The following CKAP2L variants were observed in gnomAD, a reference collection of about 807,000 sequenced individuals.
CKAP2L encodes cytoskeleton-associated protein 2-like.
A neutral mutation model predicts 65.7 loss-of-function variants in CKAP2L; 42 were observed. The observed-to-expected ratio is 0.64, with a 90% CI of 0.50 to 0.83. The LOEUF (loss-of-function observed/expected upper bound fraction) is 0.83, where lower values mean the gene tolerates loss of function less well. CKAP2L is among the 40% of genes least tolerant of loss of function. CKAP2L has a pLI of 0.00. For missense variants in CKAP2L, 908 were observed against 871.0 expected, an observed-to-expected ratio of 1.04 and a Z score of -0.53; for synonymous variants, 325 against 313.5, an observed-to-expected ratio of 1.04 and a Z score of -0.39.
Position 112,756,797 on chromosome 2 carries a change from A to C in CKAP2L, c.574T>G (p.Leu192Val), listed in dbSNP as rs552985302. The change falls in exon 4 of 9, where the codon TTA becomes GTA. Residue 192 changes from leucine to valine, a missense_variant. Transcript: ENST00000302450. ...ETNKENLLDI[L>V]TEPERKPDPK... ...TCTGGCTTCCTCTCAGGTTCTGTTA[A>C]GATATCGAGCAAGTTCTCTTTGTTT... 74 of 1,603,802 alleles carry C rather than the reference A, an allele frequency of 4.6e-5. No individual in the cohort carries two copies. In the East Asian group the frequency reaches 1.5e-3, roughly 32 times the overall value.
Position 112,746,479 on chromosome 2 carries a change from T to C in CKAP2L, c.1699A>G (p.Ser567Gly). Reference sequence around the variant, plus strand: ...CCAATAACATCAAAGGTGCCTTTACTTGCCAACAACTTTGCTTTGCAGATC... The same window carrying C: ...CCAATAACATCAAAGGTGCCTTTACCTGCCAACAACTTTGCTTTGCAGATC... ...FWICKAKLLASKGTFDVIGLY... is the reference protein window; with the variant it reads ...FWICKAKLLAGKGTFDVIGLY... The change falls in exon 6 of 9, where the codon AGT becomes GGT. Residue 567 changes from serine to glycine, a missense_variant. Transcript: ENST00000302450. 6.2e-7 allele frequency: 1 copy of C among 1,613,436 alleles called. No homozygotes were observed. The highest frequency in any genetic ancestry group is 8.5e-7 in the Non-Finnish European group (1 of 1,179,506).
chr2:112,749,660 TA>T (rs1346658241), intron 5 of CKAP2L, among the ~76,000 whole-genome samples: 5 of 152,210 alleles, frequency 3.3e-5, no homozygotes, highest in Admixed American at 1.3e-4. Flanking sequence ...TTTTCTAAGA[TA>T]TTTTTTGGGT....
chr2:112,752,424 G>C lies in CKAP2L; in HGVS notation c.1445C>G (p.Pro482Arg), dbSNP rs1037829641. 2 of 1,612,096 alleles carry C rather than the reference G, an allele frequency of 1.2e-6. No individual in the cohort carries two copies. Among genetic ancestry groups the C allele is most frequent in the East Asian group, 4.5e-5 (2 of 44,830 alleles). ...TCTTTTTGTTTTAAGTTCCATAGGA[G>C]GCCGTTTATAGGTTTTTCCCTTAGA... ...QKSKGKTYKR[P>R]PMELKTKRKV... Residue 482 changes from proline to arginine, a missense_variant, in exon 5 of 9, where the codon CCT (proline) becomes CGT (arginine). Coordinates refer to ENST00000302450, the MANE Select transcript of CKAP2L (RefSeq NM_152515.5).
At chr2:112,742,395 TCTC>T in intron 7 of CKAP2L, 1 of 717,532 alleles carries the variant, frequency 1.4e-6, no homozygotes, top group Non-Finnish European at 2.6e-6. Flanking sequence ...TTAAGGCATT[TCTC>T]CTTTCTGCCT....
At position 112,760,712 on chromosome 2, in the gene CKAP2L, C is replaced by T. The variant is rs1165842060; in HGVS notation, c.156+1G>A. ...TTTTAAAAAGACTAATTTCTACTTA[C>T]AGATTTAGAAGGTGGTTGATTCTGG... On this transcript the variant is annotated splice_donor_variant, in intron 3 of 8. Coordinates refer to ENST00000302450, the MANE Select transcript of CKAP2L (RefSeq NM_152515.5). LOFTEE classifies it high-confidence loss of function. The T allele has an allele frequency of 3.5e-6, 5 of 1,444,592 alleles. No homozygotes were observed. Among genetic ancestry groups the T allele is most frequent in the East Asian group, 2.4e-5 (1 of 42,352 alleles). The allele number at this position is 1,444,592 out of a possible 1,614,324, so 89.5% of individuals were successfully genotyped here. A position where few individuals can be genotyped will look rare whatever the true frequency, so the allele number is the denominator to read the frequency against.
intron 6 of CKAP2L, 132 bp downstream of exon 6, chr2:112,746,288 T>C: frequency 1.7e-6 from 1 of 605,326 alleles, no homozygotes; most frequent in Non-Finnish European, 2.7e-6. Context: ...TTAAGTTCTT[T>C]ATGGTAAGGT....
chr2:112,740,716 C>A (rs1387801116), intron 8 of CKAP2L, 102 bp downstream of exon 8: 2 of 908,066 alleles, frequency 2.2e-6, no homozygotes, highest in African/African-American at 3.3e-5. Context: ...ACCTTCCTCA[C>A]TGCAGGTCAG....
rs1680569717 is a variant in CKAP2L, at chr2:112,757,228, G to C, written c.157-14C>G. 1.3e-6 allele frequency: 2 copies of C among 1,532,146 alleles called. No homozygotes were observed. The highest frequency in any genetic ancestry group is 1.2e-5 in the South Asian group (1 of 82,704). The allele number at this position is 1,532,146 out of a possible 1,614,324, so 94.9% of individuals were successfully genotyped here. On this transcript the variant is annotated splice_polypyrimidine_tract_variant and intron_variant, in intron 3 of 8. Transcript: ENST00000302450. The stretch of plus-strand genomic sequence containing the variant: ...GGGTCTAATAGTCTGAAAAAACAAA[G>C]AAAATACATATTAAAAAATCCTTAA...
chr2:112,761,805 T>C (rs571827370), intron 2 of CKAP2L, among the ~76,000 whole-genome samples: 103 of 152,346 alleles, frequency 6.8e-4, no homozygotes, highest in African/African-American at 2.4e-3. Flanking sequence ...TGAGATGTTA[T>C]AGGTACTAAA....
intron 1 of CKAP2L, chr2:112,764,211 A>C (rs989883628): frequency 5.9e-6 from 2 of 340,590 alleles, no homozygotes; most frequent in African/African-American, 2.2e-5. Flanking sequence ...CCTGGAGCCA[A>C]ATGTGGATCA....
At chr2:112,757,310 TCATTTTTAGA>T in intron 3 of CKAP2L, 96 bp from the exon 4 acceptor site, 2 of 850,048 alleles carry the variant, frequency 2.4e-6, no homozygotes, top group South Asian at 2.1e-5. Flanking sequence ...AAAAAAATAA[TCATTTTTAGA>T]ATTTCATCTA....
chr2:112,758,697 G>A (rs1680618789), intron 3 of CKAP2L, among the ~76,000 whole-genome samples: 1 of 152,102 alleles, frequency 6.6e-6, no homozygotes, highest in African/African-American at 2.4e-5. Flanking sequence ...TTCCAAATGT[G>A]TTTTTTTAGT....
intron 5 of CKAP2L, among the ~76,000 whole-genome samples, chr2:112,746,834 CTGGAG>C (rs1479734931): frequency 6.6e-6 from 1 of 151,948 alleles, no homozygotes; most frequent in Non-Finnish European, 1.5e-5. Flanking sequence ...GTCGTCCAGG[CTGGAG>C]TGCAATGGCG....
Position 112,742,263 on chromosome 2 carries a change from AG to A in CKAP2L, c.1822+442del. 5 of 650,756 alleles carry A rather than the reference AG, an allele frequency of 7.7e-6. No homozygotes were observed. The South Asian group carries it at 8.8e-5, about 11-fold the overall frequency. The allele number at this position is 650,756 out of a possible 1,614,324, so 40.3% of individuals were successfully genotyped here. On this transcript the variant is annotated intron_variant, in intron 7 of 8. Coordinates refer to ENST00000302450, the MANE Select transcript of CKAP2L (RefSeq NM_152515.5). ...TATGTCTCATAGAAGAGTCTTCTAA[AG>A]GTTATGACCACTGACAGTGATGGTC...
In CKAP2L at chr2:112,756,726, A is replaced by T; in HGVS notation, c.645T>A (p.Asn215Lys). 6.3e-7 allele frequency: 1 copy of T among 1,595,700 alleles called. No homozygotes were observed. Among genetic ancestry groups the T allele is most frequent in the Non-Finnish European group, 8.5e-7 (1 of 1,173,878 alleles). Residue 215 changes from asparagine (N) to lysine (K), a missense_variant, in exon 4 of 9, where the codon AAT becomes AAA. Coordinates refer to ENST00000302450, the MANE Select transcript of CKAP2L (RefSeq NM_152515.5). Reference protein sequence around the residue: ...TRSKPKTDSYNQTKNSLVPKQ... With the variant: ...TRSKPKTDSYKQTKNSLVPKQ... ...TAGGAACTAAACTGTTCTTGGTTTG[A>T]TTATAAGAGTCAGTCTTTGGCTTAC...
At chr2:112,754,908 T>C (rs1161667815) in intron 4 of CKAP2L, among the ~76,000 whole-genome samples, 3 of 152,222 alleles carry the variant, frequency 2.0e-5, no homozygotes, top group Admixed American at 1.3e-4. Context: ...AGCTCAGACA[T>C]TGCTGTTGAA....
Position 112,764,571 on chromosome 2 carries a change from C to T in CKAP2L, c.28G>A (p.Ala10Thr), listed in dbSNP as rs765467625. 8.7e-6 allele frequency: 14 copies of T among 1,614,084 alleles called. No homozygotes were observed. The East Asian group carries it at 2.9e-4, about 33-fold the overall frequency. ...CAGCGGTCGTACTCACCGACAGCGG[C>T]AGCAGCGGTAGGCCCGGGCCCCACC... Reference protein sequence around the residue: MVGPGPTAAAAVEERQRKLQ... With the variant: MVGPGPTAATAVEERQRKLQ... Residue 10 changes from alanine (A) to threonine (T), a missense_variant, in exon 1 of 9, where the codon GCC becomes ACC. Physicochemically the swap from Ala to Thr is moderately conservative, Grantham distance 58. Transcript: ENST00000302450.
chr2:112,749,315 T>C (rs1290071832), intron 5 of CKAP2L, among the ~76,000 whole-genome samples: 1 of 152,206 alleles, frequency 6.6e-6, no homozygotes, highest in African/African-American at 2.4e-5. Flanking sequence ...GTCATGAATC[T>C]TTCTGTACCT....
chr2:112,746,109 A>T (rs1574326400), intron 6 of CKAP2L, among the ~76,000 whole-genome samples: 1 of 152,240 alleles, frequency 6.6e-6, no homozygotes, highest in East Asian at 1.9e-4. Context: ...ACAGAACATG[A>T]CATGGAAAAT....
Sources: allele counts gnomAD v4.1 joint callset (sites outside exome capture counted in the v4.1 genomes callset), GRCh38; gene constraint gnomAD v4.1.1; transcripts MANE v1.5; gene names NCBI Gene and HGNC (gene_info 2026-07-23, HGNC 2026-07-21).